The following MED12L variants were observed in gnomAD, a reference collection of about 807,000 sequenced individuals.
MED12L encodes the protein mediator complex subunit 12L, also known as mediator of RNA polymerase II transcription subunit 12-like protein.
MED12L carries 60 observed loss-of-function variants against 281.3 expected under a neutral mutation model. That is an observed-to-expected ratio of 0.21 (90% confidence interval 0.17 to 0.26). The LOEUF is 0.26. MED12L is among the 10% of genes least tolerant of loss of function. MED12L has a pLI of 1.00. For missense variants in MED12L, 2,146 were observed against 2,680.9 expected (o/e 0.80, Z 4.41); for synonymous variants, 974 against 987.2 (o/e 0.99, Z 0.25).
intron 16 of MED12L, among the ~76,000 whole-genome samples, chr3:151,346,111 C>T (rs1752505128): frequency 6.6e-6 from 1 of 152,134 alleles, no homozygotes; most frequent in South Asian, 2.1e-4. Flanking sequence ...ATATCAAGGC[C>T]AAGGAATGAT....
chr3:151,166,173 T>C (rs1317385694), intron 11 of MED12L, among the ~76,000 whole-genome samples, 191 bp downstream of exon 11: 1 of 152,218 alleles, frequency 6.6e-6, no homozygotes, highest in Non-Finnish European at 1.5e-5. Context: ...CAGTGGGGCT[T>C]ATCTACCTAG....
At chr3:151,097,856 G>A (rs558921970) in intron 2 of MED12L, among the ~76,000 whole-genome samples, 1 of 152,330 alleles carries the variant, frequency 6.6e-6, no homozygotes, top group South Asian at 2.1e-4. Flanking sequence ...AGGGAGTGAT[G>A]GACTTGTAAA....
intron 16 of MED12L, among the ~76,000 whole-genome samples, chr3:151,266,796 A>G (rs1248797725): frequency 6.6e-6 from 1 of 152,208 alleles, no homozygotes; most frequent in Non-Finnish European, 1.5e-5. Context: ...CTAAGGTCAG[A>G]GCAAAAAAGT....
intron 2 of MED12L, among the ~76,000 whole-genome samples, chr3:151,098,108 G>C (rs1243238753): frequency 1.3e-5 from 2 of 152,202 alleles, no homozygotes; most frequent in African/African-American, 4.8e-5. Flanking sequence ...GGGAGAGCTG[G>C]GTTGGTGTGG....
At chr3:151,309,043 C>T (rs1276203543) in intron 16 of MED12L, among the ~76,000 whole-genome samples, 1 of 151,812 alleles carries the variant, frequency 6.6e-6, no homozygotes, top group Non-Finnish European at 1.5e-5. Flanking sequence ...CTCATGAATA[C>T]AAATAAATAA....
intron 16 of MED12L, among the ~76,000 whole-genome samples, chr3:151,257,841 T>C (rs111908158): frequency 9.9e-5 from 15 of 152,270 alleles, no homozygotes; most frequent in African/African-American, 3.4e-4. Context: ...TAGATGAGAG[T>C]CACACAAATT....
intron 8 of MED12L, among the ~76,000 whole-genome samples, chr3:151,163,293 G>A (rs927992700): frequency 5.3e-5 from 8 of 152,100 alleles, no homozygotes; most frequent in Non-Finnish European, 4.4e-5. Context: ...GGCCCACAAG[G>A]TAAAAATAGG....
chr3:151,368,686 T>TG (rs1755725243), intron 25 of MED12L, among the ~76,000 whole-genome samples: 1 of 45,774 alleles, frequency 2.2e-5, no homozygotes, highest in Non-Finnish European at 3.9e-5. Context: ...TGTCATTTCA[T>TG]TTTATTTCAT....
At chr3:151,302,338 T>G (rs1265194474) in intron 16 of MED12L, among the ~76,000 whole-genome samples, 1 of 152,192 alleles carries the variant, frequency 6.6e-6, no homozygotes, top group Non-Finnish European at 1.5e-5. Context: ...GTTATTCTTG[T>G]AGTGTTAAAG....
chr3:151,355,683 G>C (rs1023270337), intron 18 of MED12L, among the ~76,000 whole-genome samples: 1 of 152,184 alleles, frequency 6.6e-6, no homozygotes, highest in Non-Finnish European at 1.5e-5. Context: ...ATTTAGGTCT[G>C]AATGACAACT....
At chr3:151,153,564 CTTTTT>C (rs1177653143) in intron 5 of MED12L, among the ~76,000 whole-genome samples, 7 of 94,290 alleles carry the variant, frequency 7.4e-5, no homozygotes, top group Admixed American at 2.5e-4. Context: ...TGTTTTCTTT[CTTTTT>C]TTTTTTTTTT....
chr3:151,401,432 T>G (rs545804132), intron 39 of MED12L, among the ~76,000 whole-genome samples: 1 of 152,318 alleles, frequency 6.6e-6, no homozygotes, highest in South Asian at 2.1e-4. Flanking sequence ...TATGAGCATT[T>G]TTCTTTCTCC....
At position 151,434,881 on chromosome 3, in the gene MED12L, C is replaced by T. The variant is rs1317815748; in HGVS notation, c.*2077C>T. 6.6e-6 allele frequency: 1 copy of T among 152,146 alleles called. No individual in the cohort carries two copies. Among genetic ancestry groups the T allele is most frequent in the Non-Finnish European group, 1.5e-5 (1 of 68,022 alleles). 9.4% of individuals were successfully genotyped at this position (152,146 alleles called of 1,614,324 possible). On this transcript the variant is annotated 3_prime_UTR_variant, in exon 45 of 45. Coordinates refer to ENST00000687756, the MANE Select transcript of MED12L (RefSeq NM_001393769.1). ...TTATTAATCATTTTGCACATGAAAG[C>T]TGTGGGGCATATCTTTTTTCTTTTT...
chr3:151,411,477 C>T lies in MED12L; in HGVS notation c.6110C>T (p.Pro2037Leu), dbSNP rs199748376. The T allele has an allele frequency of 2.1e-5, 34 of 1,614,172 alleles. No individual in the cohort carries two copies. Among genetic ancestry groups the T allele is most frequent in the African/African-American group, 2.7e-5 (2 of 75,044 alleles). The change falls in exon 41 of 45, where the codon CCG becomes CTG. Residue 2037 changes from proline (P) to leucine (L), a missense_variant. Physicochemically the swap from Pro to Leu is moderately conservative, Grantham distance 98. Coordinates refer to ENST00000687756, the MANE Select transcript of MED12L (RefSeq NM_001393769.1). ...PSGYVQQQAS[P>L]YLQPLTGSQR... is the part of the protein sequence containing the mutation. ...GGCTATGTTCAGCAGCAGGCCTCGC[C>T]GTACCTGCAGCCCCTGACTGGCTCT...
rs1748869579 is a variant in MED12L, at chr3:151,320,477, G to T, written c.2251-29582G>T. On this transcript the variant is annotated intron_variant, in intron 16 of 44. Coordinates refer to ENST00000687756, the MANE Select transcript of MED12L (RefSeq NM_001393769.1). ...TTCTAATTGTGGCTCACATCCAGTAGCTGAGAACTTGTGCTGAGTATAATT... is the reference window on the plus strand; with the variant it reads ...TTCTAATTGTGGCTCACATCCAGTATCTGAGAACTTGTGCTGAGTATAATT... Among the ~76,000 whole-genome samples, 3 of 152,298 alleles carry T rather than the reference G, an allele frequency of 2.0e-5. No individual in the cohort carries two copies. The South Asian group carries it at 6.2e-4, about 32-fold the overall frequency.
chr3:151,368,682 T>G lies in MED12L; in HGVS notation c.3550+431T>G, dbSNP rs202042250. Among the ~76,000 whole-genome samples the G allele has an allele frequency of 4.9e-3, 226 of 46,488 alleles. 7 individuals carry two copies. The highest frequency in any genetic ancestry group is 0.023 in the East Asian group (48 of 2,124). 30.5% of individuals were successfully genotyped at this position (46,488 alleles called of 152,430 possible). A position where few individuals can be genotyped will look rare whatever the true frequency, so the allele number is the denominator to read the frequency against. On this transcript the variant is annotated intron_variant, in intron 25 of 44. Coordinates refer to ENST00000687756, the MANE Select transcript of MED12L (RefSeq NM_001393769.1). ...TTCATTTCATTTCATTTCATGTCAT[T>G]TCATTTTATTTCATTTCATTTCATT...
At chr3:151,290,690 A>T (rs1254073804) in intron 16 of MED12L, among the ~76,000 whole-genome samples, 1 of 151,532 alleles carries the variant, frequency 6.6e-6, no homozygotes, top group Non-Finnish European at 1.5e-5. Flanking sequence ...AATTATTCTC[A>T]TCAAGCATTT....
chr3:151,276,486 C>CT (rs1375758976), intron 16 of MED12L, among the ~76,000 whole-genome samples: 5 of 152,188 alleles, frequency 3.3e-5, no homozygotes, highest in Non-Finnish European at 5.9e-5. Context: ...ACCTCCTGGA[C>CT]TGGTCTGTTT....
At chr3:151,200,352 T>A (rs183487911) in intron 16 of MED12L, among the ~76,000 whole-genome samples, 1 of 152,338 alleles carries the variant, frequency 6.6e-6, no homozygotes, top group Admixed American at 6.5e-5. Flanking sequence ...TGCCTGTTGG[T>A]GTGGGTCCCC....
Sources: allele counts gnomAD v4.1 joint callset (sites outside exome capture counted in the v4.1 genomes callset), GRCh38; gene constraint gnomAD v4.1.1; transcripts MANE v1.5; gene names NCBI Gene and HGNC (gene_info 2026-07-23, HGNC 2026-07-21).